Variants in TNIK observed in about 807,000 individuals in gnomAD.
The protein encoded by TNIK is TRAF2 and NCK-interacting protein kinase.
TNIK carries 49 observed loss-of-function variants against 191.3 expected under a neutral mutation model. That is an observed-to-expected ratio of 0.26 (90% CI 0.20 to 0.32). The LOEUF (loss-of-function observed/expected upper bound fraction) is 0.32, where lower values mean the gene tolerates loss of function less well. TNIK is among the 10% of genes least tolerant of loss of function. The pLI, the probability that TNIK is intolerant of heterozygous loss-of-function variation, is 1.00. For missense variants in TNIK, 1,155 were observed against 1,702.3 expected (o/e 0.68, Z 5.66); for synonymous variants, 594 against 600.9 (o/e 0.99, Z 0.17).
rs189733809 is a variant in TNIK, at chr3:171,112,043, G to A, written c.2121-1166C>T. 9.2e-5 allele frequency among the ~76,000 whole-genome samples: 14 copies of A among 152,286 alleles called. 1 individual carries two copies. The highest frequency in any genetic ancestry group is 1.9e-4 in the African/African-American group (8 of 41,552). ...ATAACGAGGTATACTTGAAAATTGC[G>A]AAGATAGTAGATCTTAAATGTCATC... On this transcript the variant is annotated intron_variant, in intron 18 of 32. Transcript: ENST00000436636.
intron 2 of TNIK, among the ~76,000 whole-genome samples, chr3:171,336,041 T>C (rs774536726): frequency 4.6e-5 from 7 of 152,164 alleles, no homozygotes; most frequent in Non-Finnish European, 8.8e-5. Context: ...TCTTTACATA[T>C]TCATACAGCC....
At chr3:171,133,499 G>T (rs1456794670) in intron 15 of TNIK, among the ~76,000 whole-genome samples, 1 of 152,142 alleles carries the variant, frequency 6.6e-6, no homozygotes, top group African/African-American at 2.4e-5. Context: ...TAAATGGCAC[G>T]TGCATATTCA....
At chr3:171,423,550 G>C (rs1275392412) in intron 1 of TNIK, among the ~76,000 whole-genome samples, 1 of 152,244 alleles carries the variant, frequency 6.6e-6, no homozygotes, top group East Asian at 1.9e-4. Flanking sequence ...AAAGAACAAA[G>C]CTGGAGGCAT....
At chr3:171,434,377 T>C (rs1279704708) in intron 1 of TNIK, among the ~76,000 whole-genome samples, 2 of 152,344 alleles carry the variant, frequency 1.3e-5, no homozygotes, top group Admixed American at 6.5e-5. Context: ...GTTGATTCTC[T>C]AAGTTTTTGA....
At chr3:171,225,094 C>T (rs1309870358) in intron 3 of TNIK, among the ~76,000 whole-genome samples, 1 of 152,094 alleles carries the variant, frequency 6.6e-6, no homozygotes, top group African/African-American at 2.4e-5. Context: ...TTAACAAAGA[C>T]GACCTTTGAG....
chr3:171,089,301 A>G (rs1721754976), intron 23 of TNIK, among the ~76,000 whole-genome samples: 1 of 152,204 alleles, frequency 6.6e-6, no homozygotes, highest in South Asian at 2.1e-4. Flanking sequence ...TTTCTAAATG[A>G]CATTTAGGAA....
At chr3:171,099,375 A>ATTT (rs35357404) in intron 22 of TNIK, among the ~76,000 whole-genome samples, 55 of 145,726 alleles carry the variant, frequency 3.8e-4, no homozygotes, top group African/African-American at 1.2e-3. Context: ...TTACCTCAGG[A>ATTT]TTTTTTTTTT....
chr3:171,094,922 C>A (rs745358355), intron 22 of TNIK, among the ~76,000 whole-genome samples: 3 of 152,068 alleles, frequency 2.0e-5, no homozygotes, highest in African/African-American at 7.2e-5. Flanking sequence ...ATTATTATTA[C>A]CCAGTACCCA....
chr3:171,412,625 G>A (rs1722553828), intron 1 of TNIK, among the ~76,000 whole-genome samples: 2 of 152,192 alleles, frequency 1.3e-5, no homozygotes, highest in South Asian at 4.1e-4. Flanking sequence ...GAAAGCAAGA[G>A]CTAACACCCA....
chr3:171,401,831 A>C (rs950020252), intron 1 of TNIK, among the ~76,000 whole-genome samples: 1 of 152,240 alleles, frequency 6.6e-6, no homozygotes, highest in Non-Finnish European at 1.5e-5. Flanking sequence ...TAAATAATGC[A>C]TTTAAACACA....
intron 2 of TNIK, among the ~76,000 whole-genome samples, chr3:171,356,901 G>C (rs928616865): frequency 6.6e-6 from 1 of 152,108 alleles, no homozygotes; most frequent in Non-Finnish European, 1.5e-5. Flanking sequence ...ATTGATATCA[G>C]TGATGTCAAC....
chr3:171,179,474 C>T lies in TNIK; in HGVS notation c.640-2094G>A, dbSNP rs537422267. On this transcript the variant is annotated intron_variant, in intron 7 of 32. Coordinates refer to ENST00000436636, the MANE Select transcript of TNIK (RefSeq NM_015028.4). ...TTTTGTTTTTTTTTTTTCTTTGAGA[C>T]GGAGTCTCGCTCTGTCGCCCAGGCT... Among the ~76,000 whole-genome samples, 55 of 151,464 alleles carry T rather than the reference C, an allele frequency of 3.6e-4. 1 individual carries two copies. The South Asian group carries it at 0.011, about 29-fold the overall frequency.
chr3:171,316,975 TATATATCATATAAAATATATAATTATATG>T (rs1754693361), intron 2 of TNIK, among the ~76,000 whole-genome samples: 2 of 79,576 alleles, frequency 2.5e-5, no homozygotes, highest in African/African-American at 8.8e-5. Context: ...AATTATATGA[TATATATCATATAAAATATATAATTATATG>T]ATATATATCA....
At chr3:171,420,882 G>C (rs533211185) in intron 1 of TNIK, among the ~76,000 whole-genome samples, 1 of 152,172 alleles carries the variant, frequency 6.6e-6, no homozygotes, top group African/African-American at 2.4e-5. Flanking sequence ...CCTGATTCAC[G>C]TCCTGGGCAG....
chr3:171,292,833 A>G (rs1404678789), intron 2 of TNIK, among the ~76,000 whole-genome samples: 2 of 151,174 alleles, frequency 1.3e-5, no homozygotes, highest in Admixed American at 6.6e-5. Context: ...TATACTCACA[A>G]TCTTGGGCTC....
chr3:171,421,879 G>A (rs571883304), intron 1 of TNIK, among the ~76,000 whole-genome samples: 6 of 151,758 alleles, frequency 4.0e-5, no homozygotes, highest in African/African-American at 7.2e-5. Context: ...CTACAGGTGC[G>A]TGACATCAAG....
At chr3:171,093,799 G>T (rs1203040386) in intron 23 of TNIK, 40 bp downstream of exon 23, 2 of 1,608,484 alleles carry the variant, frequency 1.2e-6, no homozygotes, top group Non-Finnish European at 1.7e-6. Context: ...AACCACTGAA[G>T]AAATGGCATT....
At chr3:171,137,547 T>C (rs1050693186) in intron 15 of TNIK, among the ~76,000 whole-genome samples, 1 of 152,214 alleles carries the variant, frequency 6.6e-6, no homozygotes, top group African/African-American at 2.4e-5. Flanking sequence ...TATCACCCTT[T>C]TTTCCCTCCC....
chr3:171,450,451 G>T (rs1024995051), intron 1 of TNIK, among the ~76,000 whole-genome samples: 1 of 152,202 alleles, frequency 6.6e-6, no homozygotes, highest in East Asian at 1.9e-4. Context: ...TGGCAATCCA[G>T]TTGAGGGACG....
Sources: allele counts gnomAD v4.1 joint callset (sites outside exome capture counted in the v4.1 genomes callset), GRCh38; gene constraint gnomAD v4.1.1; transcripts MANE v1.5; gene names NCBI Gene and HGNC (gene_info 2026-07-23, HGNC 2026-07-21).